Variants in ZNF217 observed in about 807,000 individuals in gnomAD.
The protein encoded by ZNF217 is zinc finger protein 217.
In ZNF217, 12 loss-of-function variants were observed where a neutral mutation model predicts 73.3. That is an observed-to-expected ratio of 0.16 (90% CI 0.10 to 0.27). The LOEUF is 0.27. Ranked by LOEUF, ZNF217 falls within the 10% of genes least tolerant of loss-of-function variation. The probability of loss-of-function intolerance (pLI) is 1.00; values close to 1 mark genes in which losing one functional copy is unlikely to be tolerated. For synonymous variants in ZNF217, 588 were observed against 516.4 expected (o/e 1.14, Z -1.88); for missense variants, 1,195 against 1,327.8 (o/e 0.90, Z 1.55).
Position 53,567,303 on chromosome 20 carries a change from AAT to A in ZNF217, c.*1983_*1984del, listed in dbSNP as rs1392079114. ...AAAAATATAAAACCAGTAGTATACC[AAT>A]AGTTAATACTGATGGACACAAAAAC... is the stretch of plus-strand genomic sequence containing the variant. On this transcript the variant is annotated 3_prime_UTR_variant, in exon 6 of 6. Coordinates refer to ENST00000371471, the MANE Select transcript of ZNF217 (RefSeq NM_006526.3). 6.5e-6 allele frequency: 1 copy of A among 152,672 alleles called. No individual in the cohort carries two copies. Among genetic ancestry groups the A allele is most frequent in the Non-Finnish European group, 1.5e-5 (1 of 68,048 alleles). The allele number at this position is 152,672 out of a possible 1,614,324, so 9.5% of individuals were successfully genotyped here.
rs1600706329 is a variant in ZNF217 at position 53,568,280 on chromosome 20, T to C, written c.*1008A>G. The stretch of plus-strand genomic sequence containing the variant: ...CAAACCTAAAATGTTCCCCCCAAAA[T>C]TTCCCTTAAAACTGTTCCCCAATAC... On this transcript the variant is annotated 3_prime_UTR_variant, in exon 6 of 6. Transcript: ENST00000371471. 6.6e-6 allele frequency: 1 copy of C among 152,052 alleles called. No homozygotes were observed. The highest frequency in any genetic ancestry group is 2.4e-5 in the African/African-American group (1 of 41,398). The allele number at this position is 152,052 out of a possible 1,614,324, so 9.4% of individuals were successfully genotyped here. A position where few individuals can be genotyped will look rare whatever the true frequency, so the allele number is the denominator to read the frequency against.
chr20:53,570,501 C>G (rs1038904261), intron 5 of ZNF217: 1 of 152,642 alleles, frequency 6.6e-6, no homozygotes, highest in Non-Finnish European at 1.5e-5. Flanking sequence ...ACTAAATCTG[C>G]CCGTGAGCCC....
chr20:53,596,194 G>T (rs1313896513), upstream of ZNF217, among the ~76,000 whole-genome samples: 1 of 151,274 alleles, frequency 6.6e-6, no homozygotes, highest in African/African-American at 2.4e-5. Context: ...CTACCACTTT[G>T]TTCACATTAT....
chr20:53,588,606 ATATATATATAT>A (rs1205971584), intron 1 of ZNF217, among the ~76,000 whole-genome samples: 1 of 106,478 alleles, frequency 9.4e-6, no homozygotes, highest in African/African-American at 5.1e-5. Flanking sequence ...ATATATATAT[ATATATATATAT>A]ATATATATAC....
chr20:53,586,995 A>G (rs1242817300), intron 1 of ZNF217, among the ~76,000 whole-genome samples: 3 of 152,254 alleles, frequency 2.0e-5, no homozygotes, highest in Non-Finnish European at 2.9e-5. Flanking sequence ...AGCTTACTGA[A>G]AAGTACTTCA....
chr20:53,569,128 A>G lies in ZNF217; in HGVS notation c.*160T>C, dbSNP rs752722350. ...TAACAGAACAACTTTACACAACTGTAGTGTTCCTTGCAGATTCCTCATATG... is the reference window on the plus strand; with the variant it reads ...TAACAGAACAACTTTACACAACTGTGGTGTTCCTTGCAGATTCCTCATATG... On this transcript the variant is annotated 3_prime_UTR_variant, in exon 6 of 6. Transcript: ENST00000371471. The G allele has an allele frequency of 7.5e-7, 1 of 1,334,864 alleles. No individual in the cohort carries two copies. Among genetic ancestry groups the G allele is most frequent in the Non-Finnish European group, 9.9e-7 (1 of 1,006,742 alleles). The allele number at this position is 1,334,864 out of a possible 1,614,324, so 82.7% of individuals were successfully genotyped here.
At chr20:53,573,418 A>G (rs1378764181) in intron 4 of ZNF217, among the ~76,000 whole-genome samples, 1 of 151,984 alleles carries the variant, frequency 6.6e-6, no homozygotes, top group African/African-American at 2.4e-5. Flanking sequence ...ATTGTAGCGT[A>G]ACCTATTCAC....
At chr20:53,574,861 C>T (rs1166301919) in intron 4 of ZNF217, 4 of 150,082 alleles carry the variant, frequency 2.7e-5, no homozygotes, top group African/African-American at 4.9e-5. Context: ...TTGGCACTGA[C>T]TACTGAGCAC....
intron 5 of ZNF217, 54 bp downstream of exon 5, chr20:53,571,667 A>G: frequency 6.4e-7 from 1 of 1,557,648 alleles, no homozygotes; most frequent in East Asian, 2.3e-5. Flanking sequence ...CTGACCTCCC[A>G]AATGGCCACC....
chr20:53,580,001 G>A (rs1039959917), intron 2 of ZNF217, among the ~76,000 whole-genome samples: 1 of 152,164 alleles, frequency 6.6e-6, no homozygotes, highest in Non-Finnish European at 1.5e-5. Context: ...TCAGGGAACT[G>A]GGGCATCTCA....
intron 2 of ZNF217, among the ~76,000 whole-genome samples, chr20:53,580,625 TTC>T (rs1285263569): frequency 6.6e-6 from 1 of 152,234 alleles, no homozygotes; most frequent in African/African-American, 2.4e-5. Flanking sequence ...AGTGATCACC[TTC>T]TCTTTCTATA....
chr20:53,594,298 G>T (rs994987619), upstream of ZNF217, among the ~76,000 whole-genome samples: 1 of 150,898 alleles, frequency 6.6e-6, no homozygotes, highest in Admixed American at 6.6e-5. Flanking sequence ...CCCTCCCTCG[G>T]CCCCGCCGCT....
rs1988248028 is a variant in ZNF217, at chr20:53,576,035, G to A, written c.2729C>T (p.Ala910Val). 2 of 1,614,080 alleles carry A rather than the reference G, an allele frequency of 1.2e-6. No individual in the cohort carries two copies. Among genetic ancestry groups the A allele is most frequent in the Admixed American group, 1.7e-5 (1 of 60,006 alleles). ...FCNRSASNTAAEFGEPLPKRL... is the reference protein window; with the variant it reads ...FCNRSASNTAVEFGEPLPKRL... ...TTTTGGAAGGGGCTCACCAAATTCT[G>A]CTGCAGTATTGCTGGCACTCCGATT... Residue 910 changes from alanine to valine, a missense_variant, in exon 4 of 6, where the codon GCA (alanine) becomes GTA (valine). Ala to Val is a moderately conservative substitution (Grantham distance 64, BLOSUM62 0). Transcript: ENST00000371471.
intron 1 of ZNF217, among the ~76,000 whole-genome samples, chr20:53,588,594 CTATATATATATATATATATA>C (rs61379629): frequency 6.7e-6 from 1 of 148,270 alleles, no homozygotes; most frequent in African/African-American, 2.4e-5. Context: ...ACACATCTAT[CTATATATATATATATATATA>C]TATATATATA....
At chr20:53,593,891 G>T (rs985599864), upstream of ZNF217, 2 of 151,174 alleles carry the variant, frequency 1.3e-5, no homozygotes, top group African/African-American at 2.4e-5. Flanking sequence ...AGGGAGGGAG[G>T]GAGGCGTCGC....
rs370225308 is a variant in ZNF217, at chr20:53,571,741, G to C, written c.*3C>G. The C allele has an allele frequency of 1.2e-6, 2 of 1,607,382 alleles. No homozygotes were observed. Among genetic ancestry groups the C allele is most frequent in the Non-Finnish European group, 8.5e-7 (1 of 1,178,210 alleles). ...CTCACCTTTTTTCCCCCTAATTAGT[G>C]AATCAAGTTTTTTTGTCATTTGGTC... On this transcript the variant is annotated 3_prime_UTR_variant, in exon 5 of 6. Transcript: ENST00000371471.
rs141467941 is a variant in ZNF217 at position 53,581,782 on chromosome 20, C to T, written c.1045G>A (p.Glu349Lys). 5.3e-4 allele frequency: 853 copies of T among 1,614,254 alleles called. 1 individual carries two copies. The highest frequency in any genetic ancestry group is 1.0e-3 in the South Asian group (92 of 91,090). Residue 349 changes from glutamate to lysine, a missense_variant, in exon 2 of 6, where the codon GAG (glutamate) becomes AAG (lysine). Glu to Lys is a moderately conservative substitution (Grantham distance 56). Around this residue, in one of 9 missense-constraint regions of ZNF217, gnomAD observed 102 missense variants for 91.9 expected, o/e 1.11. Coordinates refer to ENST00000371471, the MANE Select transcript of ZNF217 (RefSeq NM_006526.3). The surrounding 1 kb of genome is among the most constrained non-coding windows in gnomAD (Gnocchi z 4.9). ...TCGCCGTGGGAGTGTTTGCACTTCT[C>T]TTTCTCTTGCGAGAGGCCTGCACAA... ...GSCAGLSQEK[E>K]KCKHSHGEAP...
At chr20:53,589,859 ATTTT>A (rs201639904) in intron 1 of ZNF217, among the ~76,000 whole-genome samples, 1 of 148,298 alleles carries the variant, frequency 6.7e-6, no homozygotes, top group Admixed American at 6.7e-5. Flanking sequence ...TGTGTAATAC[ATTTT>A]TTTTTTCTTC....
At position 53,576,100 on chromosome 20, in the gene ZNF217, G is replaced by C. The variant is rs147997293; in HGVS notation, c.2664C>G (p.Asn888Lys). ...TTCCCGGAGGTGCCCACGGGCTGTCGTTCTTGGCGGGGTAGTCGATGGAAC... is the reference window on the plus strand; with the variant it reads ...TTCCCGGAGGTGCCCACGGGCTGTCCTTCTTGGCGGGGTAGTCGATGGAAC... Reference protein sequence around the residue: ...INGSIDYPAKNDSPWAPPGRD... With the variant: ...INGSIDYPAKKDSPWAPPGRD... The change falls in exon 4 of 6, where the codon AAC (asparagine) becomes AAG (lysine). Residue 888 changes from asparagine to lysine, a missense_variant. Transcript: ENST00000371471. 3 of 1,614,222 alleles carry C rather than the reference G, an allele frequency of 1.9e-6. No homozygotes were observed. The highest frequency in any genetic ancestry group is 2.5e-6 in the Non-Finnish European group (3 of 1,180,030).
Sources: allele counts gnomAD v4.1 joint callset (sites outside exome capture counted in the v4.1 genomes callset), GRCh38; gene constraint gnomAD v4.1.1; regional missense constraint gnomAD v4.1.1; non-coding constraint Gnocchi (gnomAD v3.1); transcripts MANE v1.5; gene names NCBI Gene and HGNC (gene_info 2026-07-23, HGNC 2026-07-21).